The following ZNRF2 variants were observed in gnomAD, a reference collection of about 807,000 sequenced individuals.
ZNRF2 encodes E3 ubiquitin-protein ligase ZNRF2.
ZNRF2 carries 16 observed loss-of-function variants against 20.4 expected under a neutral mutation model. The observed-to-expected ratio is 0.79, with a 90% CI of 0.53 to 1.19. ZNRF2 has a LOEUF of 1.19. Ranked by LOEUF, ZNRF2 falls within the 50% of genes most tolerant of loss-of-function variation. The probability of loss-of-function intolerance (pLI) is 0.00; values close to 1 mark genes in which losing one functional copy is unlikely to be tolerated. For synonymous variants in ZNRF2, 178 were observed against 144.9 expected, an observed-to-expected ratio of 1.23 and a Z score of -1.64; for missense variants, 363 against 332.4, an observed-to-expected ratio of 1.09 and a Z score of -0.72.
chr7:30,289,807 G>T (rs543617050), intron 1 of ZNRF2: 11 of 534,496 alleles, frequency 2.1e-5, no homozygotes, highest in South Asian at 1.5e-4. Flanking sequence ...TGCTTTGCTG[G>T]CTGGTGCAGT....
chr7:30,313,028 G>A (rs567087630), intron 1 of ZNRF2, among the ~76,000 whole-genome samples: 43 of 152,250 alleles, frequency 2.8e-4, no homozygotes, highest in African/African-American at 9.6e-4. Flanking sequence ...AACCTAAAAC[G>A]AAACACTTGA....
chr7:30,328,407 G>A (rs1305341575), intron 2 of ZNRF2, among the ~76,000 whole-genome samples: 3 of 152,096 alleles, frequency 2.0e-5, no homozygotes, highest in African/African-American at 7.2e-5. Flanking sequence ...TCAGCATACT[G>A]TTCATTTAAC....
intron 2 of ZNRF2, among the ~76,000 whole-genome samples, chr7:30,354,939 T>C (rs1800014087): frequency 6.6e-6 from 1 of 152,200 alleles, no homozygotes; most frequent in South Asian, 2.1e-4. Context: ...AGAATATAAT[T>C]TAAATTTTCA....
At chr7:30,286,056 T>A (rs1203521622) in intron 1 of ZNRF2, among the ~76,000 whole-genome samples, 3 of 152,218 alleles carry the variant, frequency 2.0e-5, no homozygotes, top group Non-Finnish European at 4.4e-5. Flanking sequence ...CTGAGCACCC[T>A]CACCTCAGCG....
chr7:30,349,541 A>G (rs550747436), intron 2 of ZNRF2, among the ~76,000 whole-genome samples: 14 of 152,162 alleles, frequency 9.2e-5, no homozygotes, highest in Non-Finnish European at 5.9e-5. Context: ...GTTATATTCC[A>G]TAATAAATTG....
intron 1 of ZNRF2, among the ~76,000 whole-genome samples, chr7:30,294,958 C>T (rs1418291626): frequency 6.8e-6 from 1 of 147,122 alleles, no homozygotes; most frequent in African/African-American, 2.5e-5. Flanking sequence ...ACCCAATGCC[C>T]CTGGAGCTGA....
At chr7:30,365,159 T>G (rs910146994) in intron 4 of ZNRF2, among the ~76,000 whole-genome samples, 18 of 148,638 alleles carry the variant, frequency 1.2e-4, no homozygotes, top group African/African-American at 4.5e-4. Context: ...TTTTTTTTTT[T>G]TTTTTTTTTT....
Position 30,285,401 on chromosome 7 carries a change from C to T in ZNRF2, c.44C>T (p.Thr15Met), listed in dbSNP as rs1475940580. 50 of 1,260,614 alleles carry T rather than the reference C, an allele frequency of 4.0e-5. 1 individual carries two copies. The highest frequency in any genetic ancestry group is 4.8e-5 in the Non-Finnish European group (47 of 986,460). 78.1% of individuals were successfully genotyped at this position (1,260,614 alleles called of 1,614,324 possible). ...QSGPAAANGR[T>M]RAYSGSDLPS... Reference sequence around the variant, plus strand: ...GGCCCGGCCGCCGCTAACGGCCGCACGCGCGCGTACTCGGGCTCGGATCTA... The same window carrying T: ...GGCCCGGCCGCCGCTAACGGCCGCATGCGCGCGTACTCGGGCTCGGATCTA... The change falls in exon 1 of 5, where the codon ACG (threonine) becomes ATG (methionine). Residue 15 changes from threonine to methionine, a missense_variant. Around this residue, in one of 2 missense-constraint regions of ZNRF2, gnomAD observed 302 missense variants for 231.5 expected, o/e 1.30. Coordinates refer to ENST00000323037, the MANE Select transcript of ZNRF2 (RefSeq NM_147128.4).
chr7:30,357,708 T>C (rs979278318), intron 3 of ZNRF2, among the ~76,000 whole-genome samples: 2 of 151,912 alleles, frequency 1.3e-5, no homozygotes, highest in Non-Finnish European at 2.9e-5. Flanking sequence ...CAGAAGAAAT[T>C]AAAAATAATG....
intron 2 of ZNRF2, among the ~76,000 whole-genome samples, chr7:30,345,692 T>C (rs1799865662): frequency 6.6e-6 from 1 of 152,150 alleles, no homozygotes; most frequent in Non-Finnish European, 1.5e-5. Flanking sequence ...TAAACATGGT[T>C]ATTTTATTCT....
intron 1 of ZNRF2, among the ~76,000 whole-genome samples, chr7:30,295,044 AGAGAGAGTGT>A (rs1407612871): frequency 3.8e-4 from 42 of 111,850 alleles, no homozygotes; most frequent in East Asian, 1.4e-3. Flanking sequence ...AGAGAGAGAG[AGAGAGAGTGT>A]GTGTGTGTGT....
At chr7:30,346,372 T>A (rs1799879735) in intron 2 of ZNRF2, among the ~76,000 whole-genome samples, 1 of 151,836 alleles carries the variant, frequency 6.6e-6, no homozygotes, top group South Asian at 2.1e-4. Context: ...TTTTGTATTT[T>A]TAGTAGAGAC....
In ZNRF2 at chr7:30,285,343, C is replaced by A. The variant is rs1304618273; in HGVS notation, c.-15C>A. 7.1e-6 allele frequency: 8 copies of A among 1,123,254 alleles called. No individual in the cohort carries two copies. The East Asian group carries it at 4.7e-4, about 66-fold the overall frequency. 69.6% of individuals were successfully genotyped at this position (1,123,254 alleles called of 1,614,324 possible). A position where few individuals can be genotyped will look rare whatever the true frequency, so the allele number is the denominator to read the frequency against. ...CGGGGCGCAGCGCGCGGGCCCGGCC[C>A]GGGGCAGGGCGGACATGGGCGCCAA... On this transcript the variant is annotated 5_prime_UTR_variant, in exon 1 of 5. Transcript: ENST00000323037.
At chr7:30,351,395 C>T (rs1405714915) in intron 2 of ZNRF2, among the ~76,000 whole-genome samples, 1 of 151,982 alleles carries the variant, frequency 6.6e-6, no homozygotes, top group Non-Finnish European at 1.5e-5. Context: ...GTTTTTTCAT[C>T]ACCGTCCATA....
chr7:30,286,470 G>A (rs1798792187), intron 1 of ZNRF2, among the ~76,000 whole-genome samples: 2 of 152,174 alleles, frequency 1.3e-5, no homozygotes, highest in African/African-American at 2.4e-5. Context: ...AAATGGAAAA[G>A]TTTCTTAAGG....
At chr7:30,286,432 G>A (rs1204191937) in intron 1 of ZNRF2, among the ~76,000 whole-genome samples, 1 of 152,200 alleles carries the variant, frequency 6.6e-6, no homozygotes, top group Non-Finnish European at 1.5e-5. Context: ...GTTAATGTGA[G>A]TCCTGCTTAA....
At chr7:30,329,312 G>C (rs191580355) in intron 2 of ZNRF2, among the ~76,000 whole-genome samples, 2 of 152,088 alleles carry the variant, frequency 1.3e-5, no homozygotes, top group Admixed American at 6.6e-5. Flanking sequence ...TGCTTTTCTA[G>C]TTATTTTGAA....
intron 1 of ZNRF2, among the ~76,000 whole-genome samples, chr7:30,319,159 A>T (rs1799425824): frequency 6.6e-6 from 1 of 151,842 alleles, no homozygotes; most frequent in African/African-American, 2.4e-5. Flanking sequence ...TTATTTTTAG[A>T]GACAGAGTCT....
intron 2 of ZNRF2, among the ~76,000 whole-genome samples, chr7:30,328,376 G>A (rs1050559587): frequency 6.6e-6 from 1 of 152,156 alleles, no homozygotes; most frequent in African/African-American, 2.4e-5. Flanking sequence ...TTGTGTTAGT[G>A]CTCAAACAAG....
Sources: gnomAD v4.1 joint callset for allele counts (sites outside exome capture counted in the v4.1 genomes callset) on GRCh38, gnomAD v4.1.1 for gene constraint, gnomAD v4.1.1 regional missense constraint, MANE v1.5 for transcripts, NCBI Gene and HGNC (gene_info 2026-07-23, HGNC 2026-07-21) for gene names.